The following ABCA13 variants were observed in gnomAD, a reference collection of about 807,000 sequenced individuals.
The protein encoded by ABCA13 is ATP-binding cassette sub-family A member 13.
In ABCA13, 476 loss-of-function variants were observed where a neutral mutation model predicts 478.7. The observed-to-expected ratio is 0.99, with a 90% CI of 0.92 to 1.07. The LOEUF (loss-of-function observed/expected upper bound fraction) is 1.07. Ranked by LOEUF, ABCA13 falls within the 50% of genes least tolerant of loss-of-function variation. The pLI, the probability that ABCA13 is intolerant of heterozygous loss-of-function variation, is 0.00. For synonymous variants in ABCA13, 2,252 were observed against 2,158.9 expected (o/e 1.04, Z -1.20); for missense variants, 6,060 against 5,910.6 (o/e 1.03, Z -0.83).
chr7:48,297,350 T>C (rs1799522831), intron 22 of ABCA13, 39 bp downstream of exon 22: 1 of 1,511,964 alleles, frequency 6.6e-7, no homozygotes, highest in Non-Finnish European at 9.0e-7. Context: ...GATTAAAAAT[T>C]AAATTTAGTT....
intron 8 of ABCA13, 198 bp downstream of exon 8, chr7:48,234,349 T>C: frequency 6.1e-6 from 4 of 660,048 alleles, no homozygotes; most frequent in South Asian, 4.9e-5. Flanking sequence ...CTTCTTACCA[T>C]GTAGTTTTAT....
At chr7:48,502,930 C>A (rs1024986798) in intron 48 of ABCA13, among the ~76,000 whole-genome samples, 1 of 152,052 alleles carries the variant, frequency 6.6e-6, no homozygotes, top group African/African-American at 2.4e-5. Context: ...TCCTTTTTGC[C>A]CATCTTCATA....
At chr7:48,614,045 T>C (rs1792293225) in intron 58 of ABCA13, among the ~76,000 whole-genome samples, 1 of 149,056 alleles carries the variant, frequency 6.7e-6, no homozygotes, top group African/African-American at 2.4e-5. Context: ...GTTTTATGTT[T>C]ACACTTAAGG....
intron 41 of ABCA13, among the ~76,000 whole-genome samples, chr7:48,421,987 G>A (rs752579028): frequency 2.2e-5 from 3 of 137,554 alleles, no homozygotes; most frequent in Non-Finnish European, 3.0e-5. Context: ...ATGCTGTCTT[G>A]TGTGAACCTG....
intron 57 of ABCA13, among the ~76,000 whole-genome samples, chr7:48,588,120 G>T (rs1789372727): frequency 6.6e-6 from 1 of 152,134 alleles, no homozygotes; most frequent in African/African-American, 2.4e-5. Context: ...GATTGAGAAG[G>T]TCTGTGTGGG....
chr7:48,174,291 G>GGTTTTTTTAGCT (rs1794547098), intron 1 of ABCA13, among the ~76,000 whole-genome samples: 1 of 151,420 alleles, frequency 6.6e-6, no homozygotes, highest in Admixed American at 6.6e-5. Flanking sequence ...TACATTTACT[G>GGTTTTTTTAGCT]TTTTTTTTAG....
chr7:48,630,621 A>C (rs1416435672), intron 59 of ABCA13, among the ~76,000 whole-genome samples: 1 of 152,178 alleles, frequency 6.6e-6, no homozygotes, highest in Non-Finnish European at 1.5e-5. Flanking sequence ...AAACATATAC[A>C]TGCATGTGTC....
At chr7:48,508,243 A>G (rs1442244960) in intron 50 of ABCA13, among the ~76,000 whole-genome samples, 194 bp downstream of exon 50, 1 of 152,180 alleles carries the variant, frequency 6.6e-6, no homozygotes, top group Non-Finnish European at 1.5e-5. Flanking sequence ...TAAGGGGAAG[A>G]CTGATAAGCT....
At chr7:48,243,549 G>A (rs1212427564) in intron 10 of ABCA13, among the ~76,000 whole-genome samples, 6 of 152,210 alleles carry the variant, frequency 3.9e-5, no homozygotes, top group Admixed American at 2.0e-4. Flanking sequence ...ACGTGGGGAT[G>A]GGTACCAGTT....
At chr7:48,282,290 T>C (rs1797152300) in intron 19 of ABCA13, among the ~76,000 whole-genome samples, 1 of 152,164 alleles carries the variant, frequency 6.6e-6, no homozygotes, top group Non-Finnish European at 1.5e-5. Flanking sequence ...CATTAGACTT[T>C]AGAGCACACT....
chr7:48,430,672 T>TAAAAAA (rs36121642), intron 42 of ABCA13, among the ~76,000 whole-genome samples: 1 of 122,838 alleles, frequency 8.1e-6, no homozygotes, highest in African/African-American at 3.1e-5. Flanking sequence ...AGACTCCGTC[T>TAAAAAA]AAAAAAAAAA....
At chr7:48,224,076 G>T (rs1225317220) in intron 5 of ABCA13, among the ~76,000 whole-genome samples, 1 of 152,116 alleles carries the variant, frequency 6.6e-6, no homozygotes, top group Non-Finnish European at 1.5e-5. Flanking sequence ...GGTGGAAGCT[G>T]CTGGGCATTG....
chr7:48,350,853 A>G (rs1402014083), intron 30 of ABCA13, 34 bp downstream of exon 30: 2 of 1,591,168 alleles, frequency 1.3e-6, no homozygotes, highest in Admixed American at 3.5e-5. Context: ...GTTCGCCAAG[A>G]TGCCAACTCC....
chr7:48,310,047 C>T lies in ABCA13; in HGVS notation c.9422C>T (p.Ala3141Val). 2 of 1,613,950 alleles carry T rather than the reference C, an allele frequency of 1.2e-6. No individual in the cohort carries two copies. The highest frequency in any genetic ancestry group is 1.7e-6 in the Non-Finnish European group (2 of 1,179,828). ...TFPKGEKSWI[A>V]AEELCSLPGS... ...CCCAAAGGGGAAAAATCTTGGATCG[C>T]AGCGGAGGAACTCTGTAGCCTGCCA... The change falls in exon 24 of 62, where the codon GCA (alanine) becomes GTA (valine). Residue 3141 changes from alanine to valine, a missense_variant. Transcript: ENST00000435803.
In ABCA13 at chr7:48,442,290, C is replaced by T. The variant is rs753573529; in HGVS notation, c.12566-12747C>T. Among the ~76,000 whole-genome samples, 5 of 152,220 alleles carry T rather than the reference C, an allele frequency of 3.3e-5. 1 individual carries two copies. The highest frequency in any genetic ancestry group is 2.1e-4 in the South Asian group (1 of 4,814). On this transcript the variant is annotated intron_variant, in intron 42 of 61. Coordinates refer to ENST00000435803, the MANE Select transcript of ABCA13 (RefSeq NM_152701.5). The stretch of plus-strand genomic sequence containing the variant: ...GGCTGCCAAACTGCCACAGACTGAG[C>T]GGCTTAAACAACAGACATTCATTTC...
chr7:48,251,975 A>G (rs1462999515), intron 15 of ABCA13, among the ~76,000 whole-genome samples: 2 of 152,098 alleles, frequency 1.3e-5, no homozygotes, highest in South Asian at 2.1e-4. Flanking sequence ...TTGACTTTCA[A>G]TAGTTTCATT....
At chr7:48,183,386 A>G (rs1180474058) in intron 1 of ABCA13, among the ~76,000 whole-genome samples, 3 of 152,248 alleles carry the variant, frequency 2.0e-5, no homozygotes, top group African/African-American at 7.2e-5. Context: ...TCCAGGTACC[A>G]TCACAAATTA....
intron 7 of ABCA13, 100 bp from the exon 8 acceptor site, chr7:48,233,918 T>G: frequency 1.4e-6 from 2 of 1,383,412 alleles, no homozygotes; most frequent in Non-Finnish European, 1.9e-6. Flanking sequence ...TCATTTGCTC[T>G]TCCTTTAGAG....
intron 45 of ABCA13, among the ~76,000 whole-genome samples, chr7:48,479,320 C>T (rs1828510772): frequency 6.6e-6 from 1 of 152,108 alleles, no homozygotes. Context: ...TCACTGCAAC[C>T]TCCGCCTCCC....
Sources: gnomAD v4.1 joint callset for allele counts (sites outside exome capture counted in the v4.1 genomes callset) on GRCh38, gnomAD v4.1.1 for gene constraint, MANE v1.5 for transcripts, NCBI Gene and HGNC (gene_info 2026-07-23, HGNC 2026-07-21) for gene names.